Variants in SEZ6L observed in about 807,000 individuals in gnomAD.
SEZ6L encodes the protein seizure 6-like protein.
In SEZ6L, 37 loss-of-function variants were observed where a neutral mutation model predicts 106.2. The ratio of observed to expected loss-of-function variants is 0.35; its 90% CI spans 0.27 to 0.46. The LOEUF is 0.46. Among genes scored for constraint, SEZ6L ranks in the 20% least tolerant of loss-of-function variants. SEZ6L has a pLI of 1.00. For synonymous variants in SEZ6L, 541 were observed against 570.4 expected, an observed-to-expected ratio of 0.95 and a Z score of 0.73; for missense variants, 1,172 against 1,332.8, an observed-to-expected ratio of 0.88 and a Z score of 1.88.
chr22:26,184,528 A>C (rs1939641889), intron 1 of SEZ6L, among the ~76,000 whole-genome samples: 1 of 152,222 alleles, frequency 6.6e-6, no homozygotes, highest in Non-Finnish European at 1.5e-5. Flanking sequence ...AATATTTAAT[A>C]AATGTCTACT....
At chr22:26,253,168 AC>A (rs1307087383) in intron 1 of SEZ6L, among the ~76,000 whole-genome samples, 1 of 152,182 alleles carries the variant, frequency 6.6e-6, no homozygotes, top group Non-Finnish European at 1.5e-5. Flanking sequence ...GCCCAGAATC[AC>A]AGTGTAAGCA....
chr22:26,367,925 C>G (rs1260994550), intron 13 of SEZ6L, among the ~76,000 whole-genome samples: 1 of 152,190 alleles, frequency 6.6e-6, no homozygotes, highest in Non-Finnish European at 1.5e-5. Context: ...ATCTTAGAAT[C>G]CATTGAACAC....
intron 1 of SEZ6L, among the ~76,000 whole-genome samples, chr22:26,194,976 G>A (rs5761399): frequency 0.16 from 23,612 of 152,194 alleles, 2,342 homozygotes; most frequent in African/African-American, 0.28. Flanking sequence ...CCACTGACAT[G>A]TTCCTTTTAA....
At chr22:26,378,134 C>G (rs1344928731) in intron 16 of SEZ6L, among the ~76,000 whole-genome samples, 1 of 152,190 alleles carries the variant, frequency 6.6e-6, no homozygotes, top group East Asian at 1.9e-4. Flanking sequence ...TGAAACATCC[C>G]TACACATTTG....
At position 26,236,012 on chromosome 22, in the gene SEZ6L, C is replaced by A. The variant is rs368778219; in HGVS notation, c.95-56394C>A. On this transcript the variant is annotated intron_variant, in intron 1 of 16. Coordinates refer to ENST00000248933, the MANE Select transcript of SEZ6L (RefSeq NM_021115.5). ...GAGGCACCTCCTGGCCTTGGCCTGGCCTTGGCCCTGCACTTCAGGTTGGAT... is the reference window on the plus strand; with the variant it reads ...GAGGCACCTCCTGGCCTTGGCCTGGACTTGGCCCTGCACTTCAGGTTGGAT... Among the ~76,000 whole-genome samples the A allele has an allele frequency of 2.0e-5, 3 of 152,342 alleles. No individual in the cohort carries two copies. In the South Asian group the frequency reaches 6.2e-4, roughly 32 times the overall value.
At chr22:26,180,669 A>G (rs1601961086) in intron 1 of SEZ6L, among the ~76,000 whole-genome samples, 1 of 152,214 alleles carries the variant, frequency 6.6e-6, no homozygotes, top group Non-Finnish European at 1.5e-5. Context: ...TTAGACATTT[A>G]AAAGTGATCC....
In SEZ6L at chr22:26,351,119, G is replaced by A. The variant is rs111824937; in HGVS notation, c.2475G>A (p.Leu825=). ...STRLISDPVL[L]VGTTIQYTCN... ...GCTTAATTTCGGATCCTGTGCTGCTGGTGGGGACCACCATCCAATACACCT... is the reference window on the plus strand; with the variant it reads ...GCTTAATTTCGGATCCTGTGCTGCTAGTGGGGACCACCATCCAATACACCT... The change falls in exon 12 of 17, where the codon CTG becomes CTA. Residue 825 remains leucine, a synonymous_variant. Transcript: ENST00000248933. 22 of 1,614,208 alleles carry A rather than the reference G, an allele frequency of 1.4e-5. No homozygotes were observed. Among genetic ancestry groups the A allele is most frequent in the Admixed American group, 1.0e-4 (6 of 60,030 alleles).
chr22:26,294,917 TTGC>T lies in SEZ6L; in HGVS notation c.969+494_969+496del, dbSNP rs1393941931. 2.4e-3 allele frequency among the ~76,000 whole-genome samples: 354 copies of T among 145,230 alleles called. 5 individuals are homozygous for T. Among genetic ancestry groups the T allele is most frequent in the African/African-American group, 8.8e-3 (340 of 38,630 alleles). On this transcript the variant is annotated intron_variant, in intron 3 of 16. Transcript: ENST00000248933. ...GCTTGCTTGCTTGCTTCCTGCTTTC[TTGC>T]TTCTTTCTCTTTCTCTTTCTTTCTT...
chr22:26,379,611 C>G (rs556356465), intron 16 of SEZ6L, among the ~76,000 whole-genome samples: 50 of 149,400 alleles, frequency 3.3e-4, no homozygotes, highest in African/African-American at 1.1e-3. Flanking sequence ...ATACATTACT[C>G]ACACTCCATA....
chr22:26,197,088 C>T (rs1198673827), intron 1 of SEZ6L, among the ~76,000 whole-genome samples: 2 of 152,152 alleles, frequency 1.3e-5, no homozygotes, highest in Non-Finnish European at 2.9e-5. Context: ...TCCATACAGA[C>T]ACTACTTCTT....
chr22:26,303,430 CAACA>C (rs1235365522), intron 5 of SEZ6L, among the ~76,000 whole-genome samples: 3 of 152,146 alleles, frequency 2.0e-5, no homozygotes, highest in African/African-American at 4.8e-5. Context: ...TTCTTTCATT[CAACA>C]AACATTTTAT....
chr22:26,263,726 G>C (rs1321842167), intron 1 of SEZ6L, among the ~76,000 whole-genome samples: 1 of 152,178 alleles, frequency 6.6e-6, no homozygotes, highest in Non-Finnish European at 1.5e-5. Flanking sequence ...AGCATTTACA[G>C]TGCAGGAAAA....
intron 12 of SEZ6L, among the ~76,000 whole-genome samples, chr22:26,363,062 A>G (rs1281104406): frequency 6.6e-6 from 1 of 152,250 alleles, no homozygotes; most frequent in African/African-American, 2.4e-5. Flanking sequence ...ACTGGGGCTA[A>G]AGTAAAGAAT....
chr22:26,228,618 G>A (rs2078705637), intron 1 of SEZ6L, among the ~76,000 whole-genome samples: 2 of 152,194 alleles, frequency 1.3e-5, no homozygotes, highest in South Asian at 4.1e-4. Flanking sequence ...CTTGAAGATA[G>A]CAGAGATGAT....
At chr22:26,308,721 T>C (rs1569456412) in intron 6 of SEZ6L, among the ~76,000 whole-genome samples, 1 of 152,330 alleles carries the variant, frequency 6.6e-6, no homozygotes, top group Admixed American at 6.5e-5. Flanking sequence ...CATTTGACCA[T>C]AGACTATTAA....
chr22:26,343,785 A>G (rs914418535), intron 10 of SEZ6L, among the ~76,000 whole-genome samples: 1 of 152,224 alleles, frequency 6.6e-6, no homozygotes, highest in South Asian at 2.1e-4. Context: ...AAAAAGAGAG[A>G]ACAGTTCCTG....
chr22:26,176,221 G>A (rs1001481549), intron 1 of SEZ6L, among the ~76,000 whole-genome samples: 1 of 152,240 alleles, frequency 6.6e-6, no homozygotes, highest in East Asian at 1.9e-4. Context: ...GACAATGAGC[G>A]GTGGAGTCAG....
At position 26,320,367 on chromosome 22, in the gene SEZ6L, G is replaced by C. The variant is rs117410559; in HGVS notation, c.2015+6465G>C. Among the ~76,000 whole-genome samples, 223 of 152,282 alleles carry C rather than the reference G, an allele frequency of 1.5e-3. 3 individuals are homozygous for C. The East Asian group carries it at 0.018, about 12-fold the overall frequency. On this transcript the variant is annotated intron_variant, in intron 9 of 16. Transcript: ENST00000248933. ...ACAGGCTCAGAATGGGGCCAATAAGGGGGGGCATCGCCCTCCCCAAGGCAG... is the reference window on the plus strand; with the variant it reads ...ACAGGCTCAGAATGGGGCCAATAAGCGGGGGCATCGCCCTCCCCAAGGCAG...
intron 9 of SEZ6L, among the ~76,000 whole-genome samples, chr22:26,336,385 T>C (rs936923436): frequency 3.3e-5 from 5 of 152,194 alleles, no homozygotes; most frequent in Non-Finnish European, 5.9e-5. Context: ...CCCCTCTTCG[T>C]TGAGTCCTTC....
Sources: gnomAD v4.1 joint callset for allele counts (sites outside exome capture counted in the v4.1 genomes callset) on GRCh38, gnomAD v4.1.1 for gene constraint, MANE v1.5 for transcripts, NCBI Gene and HGNC (gene_info 2026-07-23, HGNC 2026-07-21) for gene names.